The following NKAIN2 variants were observed in gnomAD, a reference collection of about 807,000 sequenced individuals.
The protein encoded by NKAIN2 is sodium/potassium-transporting ATPase subunit beta-1-interacting protein 2.
NKAIN2 carries 14 observed loss-of-function variants against 32.6 expected under a neutral mutation model. That is an observed-to-expected ratio of 0.43 (90% CI 0.28 to 0.67). The LOEUF is 0.67. Ranked by LOEUF, NKAIN2 falls within the 30% of genes least tolerant of loss-of-function variation. The probability of loss-of-function intolerance (pLI) is 0.17; values close to 1 mark genes in which losing one functional copy is unlikely to be tolerated. For missense variants in NKAIN2, 198 were observed against 258.3 expected, an observed-to-expected ratio of 0.77 and a Z score of 1.60; for synonymous variants, 80 against 87.2, an observed-to-expected ratio of 0.92 and a Z score of 0.46.
chr6:124,186,318 C>T (rs1451744023), intron 1 of NKAIN2, among the ~76,000 whole-genome samples: 1 of 151,874 alleles, frequency 6.6e-6, no homozygotes, highest in East Asian at 1.9e-4. Context: ...TGGTGTATGC[C>T]AGTAGTCCTA....
At chr6:124,369,880 A>ATTTTTTTTTTTTT (rs61588781) in intron 3 of NKAIN2, among the ~76,000 whole-genome samples, 2,134 of 82,278 alleles carry the variant, frequency 0.026, 250 homozygotes, top group African/African-American at 0.062. Flanking sequence ...CAGAATGTCA[A>ATTTTTTTTTTTTT]TTTTTTTTTT....
At chr6:124,801,989 A>T (rs1780282357) in intron 5 of NKAIN2, among the ~76,000 whole-genome samples, 2 of 152,176 alleles carry the variant, frequency 1.3e-5, no homozygotes, top group African/African-American at 4.8e-5. Context: ...AGCTTTCCCA[A>T]ATACCAATAA....
intron 1 of NKAIN2, among the ~76,000 whole-genome samples, chr6:123,855,402 A>G (rs1775518460): frequency 6.6e-6 from 1 of 152,232 alleles, no homozygotes; most frequent in Non-Finnish European, 1.5e-5. Context: ...CCGGAAACTA[A>G]TTTAAATAGC....
intron 1 of NKAIN2, among the ~76,000 whole-genome samples, chr6:124,080,744 C>A (rs548960531): frequency 1.6e-4 from 24 of 152,070 alleles, no homozygotes; most frequent in South Asian, 4.1e-4. Flanking sequence ...ACACTCCCCC[C>A]CTCCAAGATC....
At chr6:123,820,841 C>T (rs1773892761) in intron 1 of NKAIN2, among the ~76,000 whole-genome samples, 1 of 152,226 alleles carries the variant, frequency 6.6e-6, no homozygotes, top group South Asian at 2.1e-4. Context: ...TGCTACCTAA[C>T]TTAAAACTTG....
In NKAIN2 at chr6:124,744,659, A is replaced by G. The variant is rs573971712; in HGVS notation, c.475-46680A>G. 1.6e-3 allele frequency among the ~76,000 whole-genome samples: 240 copies of G among 151,872 alleles called. 3 individuals carry two copies. Among genetic ancestry groups the G allele is most frequent in the African/African-American group, 5.3e-3 (221 of 41,488 alleles). On this transcript the variant is annotated intron_variant, in intron 4 of 6. Coordinates refer to ENST00000368417, the MANE Select transcript of NKAIN2 (RefSeq NM_001040214.3). ...CTTCGAAAGTAAGTACATTTATTACATCTATTCTATTTTGCGTATTTGGGG... is the reference window on the plus strand; with the variant it reads ...CTTCGAAAGTAAGTACATTTATTACGTCTATTCTATTTTGCGTATTTGGGG...
At chr6:124,462,936 A>C (rs150120984) in intron 3 of NKAIN2, among the ~76,000 whole-genome samples, 3,064 of 152,086 alleles carry the variant, frequency 0.02, 61 homozygotes, top group Non-Finnish European at 0.033. Context: ...TTATTCCACA[A>C]CTCTGCAAAA....
At chr6:124,820,728 G>A (rs2114883318) in intron 6 of NKAIN2, among the ~76,000 whole-genome samples, 1 of 152,270 alleles carries the variant, frequency 6.6e-6, no homozygotes, top group African/African-American at 2.4e-5. Flanking sequence ...CCTAAGCTCT[G>A]CCTCCTGTCT....
intron 2 of NKAIN2, among the ~76,000 whole-genome samples, chr6:124,334,062 T>C (rs1398859586): frequency 1.3e-5 from 2 of 152,250 alleles, no homozygotes; most frequent in Non-Finnish European, 2.9e-5. Context: ...CTGCTATCCA[T>C]GTTTCCGTCT....
chr6:124,605,793 GC>G (rs1230357808), intron 3 of NKAIN2, among the ~76,000 whole-genome samples: 1 of 151,946 alleles, frequency 6.6e-6, no homozygotes, highest in African/African-American at 2.4e-5. Context: ...TTTGTATTAT[GC>G]AAAATAATTT....
At chr6:123,989,483 C>T (rs1362620331) in intron 1 of NKAIN2, among the ~76,000 whole-genome samples, 2 of 152,092 alleles carry the variant, frequency 1.3e-5, no homozygotes, top group South Asian at 2.1e-4. Context: ...AAACAGAACT[C>T]TTGCTGGGTC....
intron 2 of NKAIN2, among the ~76,000 whole-genome samples, chr6:124,324,742 C>T (rs1797345386): frequency 6.6e-6 from 1 of 151,632 alleles, no homozygotes. Context: ...AGGAAATTCA[C>T]CTATATTTGT....
In NKAIN2 at chr6:124,066,862, T is replaced by TTGTGTGTGTGTGTGTGTG. The variant is rs10574288; in HGVS notation, c.55-216123_55-216106dup. On this transcript the variant is annotated intron_variant, in intron 1 of 6. Coordinates refer to ENST00000368417, the MANE Select transcript of NKAIN2 (RefSeq NM_001040214.3). ...GAAAGTATATTTCAATTTGCTGCGT[T>TTGTGTGTGTGTGTGTGTG]TGTGTGTGTGTGTGTGTGTGTGTGT... 2.0e-5 allele frequency among the ~76,000 whole-genome samples: 3 copies of TTGTGTGTGTGTGTGTGTG among 149,716 alleles called. No homozygotes were observed. In the East Asian group the frequency reaches 5.9e-4, roughly 30 times the overall value.
chr6:124,562,563 TATTG>T (rs1780735519), intron 3 of NKAIN2, among the ~76,000 whole-genome samples: 1 of 152,352 alleles, frequency 6.6e-6, no homozygotes, highest in South Asian at 2.1e-4. Flanking sequence ...TTGTTATATC[TATTG>T]ATTACCATAT....
intron 1 of NKAIN2, among the ~76,000 whole-genome samples, chr6:123,878,220 C>A (rs890935728): frequency 2.1e-5 from 2 of 95,526 alleles, no homozygotes; most frequent in African/African-American, 1.1e-4. Context: ...GAGTGAAACT[C>A]CATCTCAAAA....
chr6:124,181,862 GTCT>G (rs1789461921), intron 1 of NKAIN2, among the ~76,000 whole-genome samples: 1 of 152,108 alleles, frequency 6.6e-6, no homozygotes, highest in Non-Finnish European at 1.5e-5. Flanking sequence ...ACATCTTTGT[GTCT>G]TCTTCTGAGC....
At chr6:124,044,397 C>G (rs978283168) in intron 1 of NKAIN2, among the ~76,000 whole-genome samples, 14 of 152,006 alleles carry the variant, frequency 9.2e-5, no homozygotes, top group Non-Finnish European at 1.8e-4. Context: ...TCATCGCTCT[C>G]CCATCTCAGA....
At chr6:124,563,875 A>C (rs1333540649) in intron 3 of NKAIN2, among the ~76,000 whole-genome samples, 1 of 151,074 alleles carries the variant, frequency 6.6e-6, no homozygotes, top group East Asian at 1.9e-4. Context: ...TGAAGAGGGG[A>C]CAGGGTGTAT....
intron 1 of NKAIN2, among the ~76,000 whole-genome samples, chr6:123,932,406 C>CTTTTTTTTTTTTTTTTTT (rs57063550): frequency 4.8e-5 from 5 of 104,388 alleles, no homozygotes; most frequent in African/African-American, 1.7e-4. Flanking sequence ...TTCTGTCTTT[C>CTTTTTTTTTTTTTTTTTT]TTTTTTTTTT....
Sources: allele counts gnomAD v4.1 joint callset (sites outside exome capture counted in the v4.1 genomes callset), GRCh38; gene constraint gnomAD v4.1.1; transcripts MANE v1.5; gene names NCBI Gene and HGNC (gene_info 2026-07-23, HGNC 2026-07-21).